The following ATG4C variants were observed in gnomAD, a reference collection of about 807,000 sequenced individuals.
The protein encoded by ATG4C is cysteine protease ATG4C.
A neutral mutation model predicts 57.6 loss-of-function variants in ATG4C; 56 were observed. The observed-to-expected ratio is 0.97, with a 90% CI of 0.78 to 1.21. The LOEUF is 1.21. Ranked by LOEUF, ATG4C falls within the 50% of genes most tolerant of loss-of-function variation. The pLI, the probability that ATG4C is intolerant of heterozygous loss-of-function variation, is 0.00. For missense variants in ATG4C, 595 were observed against 529.8 expected (o/e 1.12, Z -1.21); for synonymous variants, 157 against 174.1 (o/e 0.90, Z 0.78).
chr1:62,848,859 A>C (rs1313020839), intron 10 of ATG4C, among the ~76,000 whole-genome samples: 1 of 152,254 alleles, frequency 6.6e-6, no homozygotes. Flanking sequence ...AATCTTCTTT[A>C]ATCTAGAACA....
chr1:62,805,857 A>G (rs568584976), intron 3 of ATG4C, among the ~76,000 whole-genome samples: 36 of 152,296 alleles, frequency 2.4e-4, no homozygotes, highest in African/African-American at 8.7e-4. Context: ...ATGGGTATTA[A>G]ATGGCAGAGC....
intron 9 of ATG4C, among the ~76,000 whole-genome samples, chr1:62,838,301 T>TAC (rs1356761318): frequency 6.6e-5 from 10 of 152,278 alleles, no homozygotes; most frequent in Admixed American, 1.3e-4. Flanking sequence ...GCTACTCCTC[T>TAC]TACCAATCAT....
At chr1:62,837,770 TTAG>T (rs1666040904) in intron 9 of ATG4C, among the ~76,000 whole-genome samples, 1 of 152,100 alleles carries the variant, frequency 6.6e-6, no homozygotes, top group Non-Finnish European at 1.5e-5. Flanking sequence ...TGAACTGCAA[TTAG>T]TAGTAGGTTT....
chr1:62,826,591 T>C (rs1199324052), intron 6 of ATG4C, among the ~76,000 whole-genome samples: 2 of 142,714 alleles, frequency 1.4e-5, no homozygotes, highest in Non-Finnish European at 3.0e-5. Context: ...TCATCTCTTT[T>C]TTTCTTTCTT....
chr1:62,841,385 C>G, intron 9 of ATG4C, 43 bp from the exon 10 acceptor site: 2 of 1,498,584 alleles, frequency 1.3e-6, no homozygotes, highest in Non-Finnish European at 1.8e-6. Context: ...ATATACTTGT[C>G]TATCAAAGAT....
At chr1:62,810,620 A>G (rs1665050775) in intron 3 of ATG4C, among the ~76,000 whole-genome samples, 1 of 152,082 alleles carries the variant, frequency 6.6e-6, no homozygotes, top group Non-Finnish European at 1.5e-5. Flanking sequence ...AATCTTACGA[A>G]ACATCTTGTT....
At chr1:62,823,638 C>G (rs983881866) in intron 6 of ATG4C, among the ~76,000 whole-genome samples, 1 of 152,190 alleles carries the variant, frequency 6.6e-6, no homozygotes, top group Non-Finnish European at 1.5e-5. Flanking sequence ...GCATATGAAG[C>G]ACAATGAAGT....
chr1:62,798,198 T>C (rs1179394648), intron 1 of ATG4C, among the ~76,000 whole-genome samples: 2 of 152,192 alleles, frequency 1.3e-5, no homozygotes, highest in Non-Finnish European at 2.9e-5. Flanking sequence ...CACATATGTG[T>C]TTGCATTTGT....
At chr1:62,815,275 A>G (rs1377178835) in intron 3 of ATG4C, among the ~76,000 whole-genome samples, 1 of 150,874 alleles carries the variant, frequency 6.6e-6, no homozygotes, top group African/African-American at 2.4e-5. Flanking sequence ...CTTATTAGCT[A>G]TAACTTTTTA....
chr1:62,825,470 C>T (rs1665620965), intron 6 of ATG4C, among the ~76,000 whole-genome samples: 1 of 152,086 alleles, frequency 6.6e-6, no homozygotes, highest in African/African-American at 2.4e-5. Context: ...TCCTTCACAG[C>T]CTGGTTTGTT....
At chr1:62,797,387 A>T (rs1317484961) in intron 1 of ATG4C, among the ~76,000 whole-genome samples, 1 of 152,156 alleles carries the variant, frequency 6.6e-6, no homozygotes, top group Non-Finnish European at 1.5e-5. Flanking sequence ...TCTTCCATCA[A>T]AGAGTTAATA....
intron 10 of ATG4C, among the ~76,000 whole-genome samples, chr1:62,842,096 T>G (rs1666187120): frequency 6.6e-6 from 1 of 152,202 alleles, no homozygotes; most frequent in South Asian, 2.1e-4. Flanking sequence ...TTCTTCTCAT[T>G]ACATTTATAC....
intron 1 of ATG4C, among the ~76,000 whole-genome samples, chr1:62,791,419 T>C (rs989944521): frequency 6.6e-6 from 1 of 152,242 alleles, no homozygotes; most frequent in Non-Finnish European, 1.5e-5. Context: ...TCGTAGTCTG[T>C]CTTTCATTGC....
intron 10 of ATG4C, among the ~76,000 whole-genome samples, chr1:62,860,554 G>A (rs1051475372): frequency 6.6e-6 from 1 of 152,282 alleles, no homozygotes; most frequent in South Asian, 2.1e-4. Context: ...TGTGGTCCTT[G>A]TTGACTGAAA....
In ATG4C at chr1:62,803,701, T is replaced by C. The variant is rs964296601; in HGVS notation, c.-68-18T>C. 3.4e-6 allele frequency: 3 copies of C among 879,166 alleles called. No homozygotes were observed. In the Admixed American group the frequency reaches 8.2e-5, roughly 24 times the overall value. The allele number at this position is 879,166 out of a possible 1,614,324, so 54.5% of individuals were successfully genotyped here. A position where few individuals can be genotyped will look rare whatever the true frequency, so the allele number is the denominator to read the frequency against. On this transcript the variant is annotated intron_variant, in intron 1 of 10. Transcript: ENST00000317868. ...CATATATGTAGTAATTACTGATTTT[T>C]TTCCTTAATTTTTAAAGTCAGTATA...
intron 4 of ATG4C, among the ~76,000 whole-genome samples, chr1:62,818,572 G>A (rs1490696677): frequency 1.3e-5 from 2 of 151,818 alleles, no homozygotes; most frequent in African/African-American, 4.8e-5. Context: ...TGAAATTTTG[G>A]AAACTACAGA....
intron 1 of ATG4C, among the ~76,000 whole-genome samples, chr1:62,802,775 CT>C (rs1265984430): frequency 1.3e-5 from 2 of 152,144 alleles, no homozygotes; most frequent in Non-Finnish European, 2.9e-5. Context: ...CTTTTTTAGA[CT>C]TTTCTGTTTT....
intron 1 of ATG4C, among the ~76,000 whole-genome samples, chr1:62,797,378 C>T (rs918887577): frequency 2.6e-5 from 4 of 152,098 alleles, no homozygotes; most frequent in African/African-American, 9.7e-5. Flanking sequence ...GTGCTATTCT[C>T]TTCCATCAAA....
rs542711429 is a variant in ATG4C at position 62,847,031 on chromosome 1, G to A, written c.1209+5484G>A. On this transcript the variant is annotated intron_variant, in intron 10 of 10. Coordinates refer to ENST00000317868, the MANE Select transcript of ATG4C (RefSeq NM_032852.4). ...GTCTCTACTAAAAATACAAAAATTA[G>A]CCAGGCATGGTGGTGTGTGCCTGTA... 2.8e-4 allele frequency among the ~76,000 whole-genome samples: 42 copies of A among 152,240 alleles called. No homozygotes were observed. In the South Asian group the frequency reaches 5.4e-3, roughly 20 times the overall value.
Sources: gnomAD v4.1 joint callset for allele counts (sites outside exome capture counted in the v4.1 genomes callset) on GRCh38, gnomAD v4.1.1 for gene constraint, MANE v1.5 for transcripts, NCBI Gene and HGNC (gene_info 2026-07-23, HGNC 2026-07-21) for gene names.